CSPP1: variants seen among roughly 807,000 people sequenced by gnomAD.
CSPP1 encodes centrosome and spindle pole-associated protein 1.
In CSPP1, 126 loss-of-function variants were observed where a neutral mutation model predicts 164.4. That is an observed-to-expected ratio of 0.77 (90% confidence interval 0.66 to 0.89). CSPP1 has a LOEUF of 0.89. Among genes scored for constraint, CSPP1 ranks in the 40% least tolerant of loss-of-function variants. The pLI, the probability that CSPP1 is intolerant of heterozygous loss-of-function variation, is 0.00. For missense variants in CSPP1, 1,395 were observed against 1,449.8 expected (o/e 0.96, Z 0.61); for synonymous variants, 472 against 476.7 (o/e 0.99, Z 0.13).
intron 17 of CSPP1, among the ~76,000 whole-genome samples, chr8:67,146,127 T>C (rs1272337008): frequency 2.0e-5 from 3 of 149,706 alleles, no homozygotes; most frequent in Admixed American, 6.6e-5. Flanking sequence ...CTTTTCTTTT[T>C]TTTTTTTTTT....
chr8:67,192,006 T>C (rs1836387729), intron 29 of CSPP1, among the ~76,000 whole-genome samples: 1 of 152,166 alleles, frequency 6.6e-6, no homozygotes, highest in Admixed American at 6.5e-5. Flanking sequence ...CTTTTCATGG[T>C]TTATTAGCCA....
chr8:67,118,882 A>C lies in CSPP1; in HGVS notation c.1697+61A>C, dbSNP rs1586254029. ...CTTTTATTTTGTTAAGATACACATA[A>C]CCTAAAAGCCACCATCCTAACATTT... On this transcript the variant is annotated intron_variant, in intron 15 of 30. Coordinates refer to ENST00000678616, the MANE Select transcript of CSPP1 (RefSeq NM_001382391.1). The C allele has an allele frequency of 2.7e-6, 3 of 1,111,144 alleles. No homozygotes were observed. The East Asian group carries it at 7.2e-5, about 27-fold the overall frequency. 68.8% of individuals were successfully genotyped at this position (1,111,144 alleles called of 1,614,324 possible). A position where few individuals can be genotyped will look rare whatever the true frequency, so the allele number is the denominator to read the frequency against.
chr8:67,169,817 T>C (rs1044931398), intron 24 of CSPP1, among the ~76,000 whole-genome samples: 3 of 151,970 alleles, frequency 2.0e-5, no homozygotes, highest in Non-Finnish European at 4.4e-5. Context: ...GGCATGATCT[T>C]GGCTCACAGC....
At chr8:67,136,666 G>A (rs75625138) in intron 16 of CSPP1, among the ~76,000 whole-genome samples, 5,315 of 151,330 alleles carry the variant, frequency 0.035, 194 homozygotes, top group African/African-American at 0.08. Flanking sequence ...AAGTTGCCAA[G>A]CATTCCCCAG....
At chr8:67,143,704 T>TA (rs749232668) in intron 17 of CSPP1, among the ~76,000 whole-genome samples, 4 of 152,204 alleles carry the variant, frequency 2.6e-5, no homozygotes, top group Non-Finnish European at 4.4e-5. Context: ...AATGTTACAT[T>TA]AAAAAATTTT....
At chr8:67,101,594 G>A (rs1350840388) in intron 7 of CSPP1, among the ~76,000 whole-genome samples, 4 of 152,150 alleles carry the variant, frequency 2.6e-5, no homozygotes, top group Non-Finnish European at 5.9e-5. Context: ...GTGTGTATGT[G>A]ATCTGTGATC....
chr8:67,142,620 A>G (rs1005281238), intron 17 of CSPP1, among the ~76,000 whole-genome samples: 1 of 152,204 alleles, frequency 6.6e-6, no homozygotes, highest in Non-Finnish European at 1.5e-5. Context: ...TAAAGCTGTT[A>G]GAAACATTCA....
intron 28 of CSPP1, among the ~76,000 whole-genome samples, chr8:67,183,838 T>A (rs1412078058): frequency 6.8e-6 from 1 of 147,582 alleles, no homozygotes; most frequent in Non-Finnish European, 1.5e-5. Flanking sequence ...TGTAAAAAAT[T>A]GGGAATTTTT....
At chr8:67,160,628 C>G (rs776428986) in intron 21 of CSPP1, among the ~76,000 whole-genome samples, 1 of 151,572 alleles carries the variant, frequency 6.6e-6, no homozygotes, top group African/African-American at 2.4e-5. Context: ...AGCTTTATCC[C>G]ATTTAATGCA....
intron 9 of CSPP1, 89 bp downstream of exon 9, chr8:67,106,064 A>G (rs1215815774): frequency 2.9e-6 from 2 of 685,922 alleles, no homozygotes; most frequent in African/African-American, 1.8e-5. Flanking sequence ...AATTAATACT[A>G]TTTTTACTAA....
Position 67,137,553 on chromosome 8 carries a change from G to A in CSPP1, c.1925G>A (p.Gly642Glu). Residue 642 changes from glycine (G) to glutamate (E), a missense_variant, in exon 17 of 31, where the codon GGA becomes GAA. By Grantham distance (98) the Gly-to-Glu change is moderately conservative. Transcript: ENST00000678616. ...EAEMRTYNPW[G>E]KGGGGAPLRD... ...GAAATGAGAACATATAATCCCTGGGGAAAAGGTGGAGGTGGTGCTCCTCTC... is the reference window on the plus strand; with the variant it reads ...GAAATGAGAACATATAATCCCTGGGAAAAAGGTGGAGGTGGTGCTCCTCTC... 6.3e-7 allele frequency: 1 copy of A among 1,595,662 alleles called. No homozygotes were observed. Among genetic ancestry groups the A allele is most frequent in the Non-Finnish European group, 8.5e-7 (1 of 1,170,890 alleles).
At chr8:67,167,580 C>A (rs1368420582) in intron 24 of CSPP1, among the ~76,000 whole-genome samples, 2 of 135,658 alleles carry the variant, frequency 1.5e-5, no homozygotes, top group Non-Finnish European at 3.3e-5. Context: ...ACTTCTCAGA[C>A]GGGGCAGCTG....
intron 17 of CSPP1, among the ~76,000 whole-genome samples, chr8:67,144,508 C>T (rs888121369): frequency 1.3e-5 from 2 of 152,106 alleles, no homozygotes; most frequent in Non-Finnish European, 1.5e-5. Context: ...GACATAATCA[C>T]GGCTCACTGT....
chr8:67,103,795 G>A (rs999491601), intron 8 of CSPP1, among the ~76,000 whole-genome samples: 7 of 138,746 alleles, frequency 5.0e-5, no homozygotes, highest in Non-Finnish European at 7.5e-5. Context: ...AGCCGAGATC[G>A]CACCACTGCA....
At chr8:67,106,345 A>G (rs764064682) in intron 9 of CSPP1, among the ~76,000 whole-genome samples, 5 of 151,600 alleles carry the variant, frequency 3.3e-5, no homozygotes, top group Admixed American at 1.3e-4. Flanking sequence ...ATGAGCTTTT[A>G]ATTCCATATT....
At chr8:67,166,263 G>T (rs1010514060) in intron 24 of CSPP1, among the ~76,000 whole-genome samples, 1 of 152,118 alleles carries the variant, frequency 6.6e-6, no homozygotes, top group African/African-American at 2.4e-5. Context: ...GATAAGCTGG[G>T]TCTGCTTATT....
chr8:67,083,158 G>A (rs1809564399), intron 3 of CSPP1, among the ~76,000 whole-genome samples: 1 of 152,108 alleles, frequency 6.6e-6, no homozygotes, highest in South Asian at 2.1e-4. Flanking sequence ...ATTATATATT[G>A]TTACTTGTCA....
At chr8:67,188,205 C>T (rs1268231840) in intron 28 of CSPP1, among the ~76,000 whole-genome samples, 1 of 152,104 alleles carries the variant, frequency 6.6e-6, no homozygotes, top group Non-Finnish European at 1.5e-5. Context: ...AACAAAATAC[C>T]TGATTAAAAG....
chr8:67,128,464 G>A (rs1820536178), intron 15 of CSPP1, among the ~76,000 whole-genome samples: 1 of 149,858 alleles, frequency 6.7e-6, no homozygotes, highest in Non-Finnish European at 1.5e-5. Context: ...ACTTGAACCT[G>A]AAAGGCAGAG....
Sources: gnomAD v4.1 joint callset for allele counts (sites outside exome capture counted in the v4.1 genomes callset) on GRCh38, gnomAD v4.1.1 for gene constraint, MANE v1.5 for transcripts, NCBI Gene and HGNC (gene_info 2026-07-23, HGNC 2026-07-21) for gene names.